Variants in SAXO1 observed in about 807,000 individuals in gnomAD.
SAXO1 encodes 4930500O09Rik.
Under a neutral mutation model 17.5 loss-of-function variants are expected in SAXO1, and 21 were observed. That is an observed-to-expected ratio of 1.20 (90% confidence interval 0.85 to 1.72). SAXO1 has a LOEUF of 1.72. Ranked by LOEUF, SAXO1 falls within the 40% of genes most tolerant of loss-of-function variation. The probability of loss-of-function intolerance (pLI) is 0.00; values close to 1 mark genes in which losing one functional copy is unlikely to be tolerated. For synonymous variants in SAXO1, 274 were observed against 216.5 expected, an observed-to-expected ratio of 1.27 and a Z score of -2.33; for missense variants, 843 against 596.0, an observed-to-expected ratio of 1.41 and a Z score of -4.32.
At chr9:19,045,659 G>A (rs938704386) in intron 1 of SAXO1, among the ~76,000 whole-genome samples, 1 of 152,144 alleles carries the variant, frequency 6.6e-6, no homozygotes, top group Non-Finnish European at 1.5e-5. Flanking sequence ...CAGCCAAAGA[G>A]CACAGGTCTA....
Position 18,959,542 on chromosome 9 carries a change from C to T in SAXO1, c.39-8605G>A, listed in dbSNP as rs1010292770. On this transcript the variant is annotated intron_variant, in intron 1 of 3. Transcript: ENST00000380534. ...TCCCAGCACTATAGGAGGACAGGGC[C>T]GATGGATCACCTGAGGTCAGGAGTT... Among the ~76,000 whole-genome samples the T allele has an allele frequency of 3.3e-5, 5 of 151,920 alleles. No homozygotes were observed. The East Asian group carries it at 7.7e-4, about 24-fold the overall frequency.
intron 1 of SAXO1, among the ~76,000 whole-genome samples, chr9:19,041,297 G>C (rs1307851654): frequency 2.6e-5 from 4 of 151,706 alleles, no homozygotes; most frequent in Non-Finnish European, 4.4e-5. Context: ...AACAGAAGAG[G>C]ACACAAAAAA....
At chr9:18,933,846 A>G (rs1461545031) in intron 3 of SAXO1, among the ~76,000 whole-genome samples, 1 of 152,202 alleles carries the variant, frequency 6.6e-6, no homozygotes, top group Non-Finnish European at 1.5e-5. Flanking sequence ...GGAGATCAAG[A>G]CCATCCTGGC....
At chr9:19,044,192 G>T (rs543925315) in intron 1 of SAXO1, among the ~76,000 whole-genome samples, 1 of 152,008 alleles carries the variant, frequency 6.6e-6, no homozygotes, top group South Asian at 2.1e-4. Context: ...TGCTTGAGGG[G>T]ATGCATACCC....
At chr9:18,972,849 G>A (rs1445352546) in intron 1 of SAXO1, among the ~76,000 whole-genome samples, 1 of 152,082 alleles carries the variant, frequency 6.6e-6, no homozygotes, top group East Asian at 1.9e-4. Flanking sequence ...AGTCCTTCCG[G>A]GCCTAAGGCC....
At chr9:18,971,706 T>A (rs1356985413) in intron 1 of SAXO1, among the ~76,000 whole-genome samples, 2 of 152,296 alleles carry the variant, frequency 1.3e-5, no homozygotes, top group East Asian at 3.9e-4. Context: ...ATTCAATATG[T>A]CAAAGTTGTC....
chr9:19,008,676 C>T (rs1227070659), intron 1 of SAXO1, among the ~76,000 whole-genome samples: 1 of 152,182 alleles, frequency 6.6e-6, no homozygotes, highest in Non-Finnish European at 1.5e-5. Flanking sequence ...TATAATACTT[C>T]TGTGAGGTCT....
intron 1 of SAXO1, among the ~76,000 whole-genome samples, chr9:18,958,963 ACT>A (rs1832368789): frequency 6.6e-6 from 1 of 152,110 alleles, no homozygotes; most frequent in African/African-American, 2.4e-5. Flanking sequence ...GAGTAAGAAA[ACT>A]CTGTCACAGG....
intron 1 of SAXO1, among the ~76,000 whole-genome samples, chr9:19,012,426 G>C (rs1834786199): frequency 6.6e-6 from 1 of 152,222 alleles, no homozygotes; most frequent in African/African-American, 2.4e-5. Context: ...ATAGACAACT[G>C]TAAATAGGAC....
At chr9:18,971,049 A>C (rs1832924483) in intron 1 of SAXO1, among the ~76,000 whole-genome samples, 1 of 152,042 alleles carries the variant, frequency 6.6e-6, no homozygotes. Flanking sequence ...CTGTCCCCTC[A>C]AACCCCCAAC....
At chr9:19,008,468 A>G (rs62560424) in intron 1 of SAXO1, among the ~76,000 whole-genome samples, 11,154 of 152,242 alleles carry the variant, frequency 0.073, 510 homozygotes, top group African/African-American at 0.12. Context: ...TCAAAATGGC[A>G]ATTTCTGGAA....
chr9:18,991,367 C>G (rs545475854), intron 1 of SAXO1, among the ~76,000 whole-genome samples: 76 of 152,270 alleles, frequency 5.0e-4, no homozygotes, highest in African/African-American at 1.8e-3. Context: ...ACATATACAC[C>G]ATGGAATACT....
intron 1 of SAXO1, among the ~76,000 whole-genome samples, chr9:18,953,558 C>CT (rs1832124745): frequency 6.6e-6 from 1 of 152,122 alleles, no homozygotes; most frequent in African/African-American, 2.4e-5. Context: ...ATCAAAAACC[C>CT]TTATGCAAAA....
chr9:18,978,453 C>T (rs1052128338), intron 1 of SAXO1, among the ~76,000 whole-genome samples: 2 of 152,134 alleles, frequency 1.3e-5, no homozygotes, highest in Non-Finnish European at 2.9e-5. Flanking sequence ...CACATCTGGC[C>T]CTTCCTGCCT....
chr9:19,019,843 T>C (rs1366371819), intron 1 of SAXO1, among the ~76,000 whole-genome samples: 2 of 152,178 alleles, frequency 1.3e-5, no homozygotes, highest in African/African-American at 4.8e-5. Flanking sequence ...TGACCACTCA[T>C]GGGTCTTGGT....
chr9:18,951,094 G>C (rs1051484785), intron 1 of SAXO1, among the ~76,000 whole-genome samples, 157 bp from the exon 2 acceptor site: 19 of 152,146 alleles, frequency 1.2e-4, no homozygotes, highest in African/African-American at 4.1e-4. Flanking sequence ...ACTAAACTAC[G>C]TGAAGTGGCC....
At chr9:19,037,536 G>T (rs1051789184), upstream of SAXO1, among the ~76,000 whole-genome samples, 1 of 152,084 alleles carries the variant, frequency 6.6e-6, no homozygotes, top group African/African-American at 2.4e-5. Flanking sequence ...AGGGGTTTCC[G>T]CTTTTGCATC....
intron 1 of SAXO1, chr9:19,027,855 C>A: frequency 7.2e-7 from 1 of 1,388,916 alleles, no homozygotes; most frequent in Non-Finnish European, 1.0e-6. Flanking sequence ...CTGGACCCCG[C>A]CCTGCTACGC....
intron 3 of SAXO1, among the ~76,000 whole-genome samples, chr9:18,938,215 A>G (rs899275134): frequency 6.6e-6 from 1 of 152,188 alleles, no homozygotes; most frequent in African/African-American, 2.4e-5. Flanking sequence ...TCTCAATTTT[A>G]ACTTTGTCAG....
Sources: allele counts gnomAD v4.1 joint callset (sites outside exome capture counted in the v4.1 genomes callset), GRCh38; gene constraint gnomAD v4.1.1; transcripts MANE v1.5; gene names NCBI Gene and HGNC (gene_info 2026-07-23, HGNC 2026-07-21).